LYPD6B: variants seen among roughly 807,000 people sequenced by gnomAD.
LYPD6B encodes LY6/PLAUR domain containing 6B.
A neutral mutation model predicts 22.8 loss-of-function variants in LYPD6B; 17 were observed. The observed-to-expected ratio is 0.75, with a 90% CI of 0.51 to 1.12. The LOEUF is 1.12. LYPD6B is among the 50% of genes most tolerant of loss of function. LYPD6B has a pLI of 0.00. For synonymous variants in LYPD6B, 106 were observed against 91.6 expected (o/e 1.16, Z -0.90); for missense variants, 221 against 258.3 (o/e 0.86, Z 0.99).
At chr2:149,104,687 A>G (rs1172373029) in intron 1 of LYPD6B, among the ~76,000 whole-genome samples, 1 of 152,172 alleles carries the variant, frequency 6.6e-6, no homozygotes, top group Non-Finnish European at 1.5e-5. Context: ...TCTCTTAACA[A>G]TGTCTTTCAA....
At chr2:149,043,766 C>T (rs1051351755) in intron 1 of LYPD6B, among the ~76,000 whole-genome samples, 3 of 152,062 alleles carry the variant, frequency 2.0e-5, no homozygotes, top group Non-Finnish European at 4.4e-5. Context: ...TTATGTTTTA[C>T]ACTTAGGTCT....
At chr2:149,069,474 T>G (rs765920729) in intron 1 of LYPD6B, among the ~76,000 whole-genome samples, 2 of 152,118 alleles carry the variant, frequency 1.3e-5, no homozygotes, top group Non-Finnish European at 2.9e-5. Flanking sequence ...TTGAATAGAA[T>G]TGGAAGATAG....
At chr2:149,062,834 G>A (rs2222597) in intron 1 of LYPD6B, among the ~76,000 whole-genome samples, 130,366 of 149,586 alleles carry the variant, frequency 0.87, 57,340 homozygotes, top group East Asian at 0.97. Flanking sequence ...GATGAATTCA[G>A]ATGAAAGCTT....
intron 1 of LYPD6B, among the ~76,000 whole-genome samples, chr2:149,039,934 A>G (rs946818232): frequency 2.6e-5 from 4 of 152,162 alleles, no homozygotes; most frequent in Admixed American, 2.6e-4. Flanking sequence ...GCCTTATACT[A>G]TGTAGAAATT....
At chr2:149,049,066 G>T (rs1292783455) in intron 1 of LYPD6B, among the ~76,000 whole-genome samples, 2 of 152,164 alleles carry the variant, frequency 1.3e-5, no homozygotes, top group Non-Finnish European at 2.9e-5. Flanking sequence ...TTTCACAGAG[G>T]TGTTATTCCA....
At chr2:149,098,721 C>G (rs1370192106) in intron 1 of LYPD6B, among the ~76,000 whole-genome samples, 1 of 147,424 alleles carries the variant, frequency 6.8e-6, no homozygotes, top group South Asian at 2.2e-4. Flanking sequence ...TACATTGGAA[C>G]TTTGTTTTAT....
At chr2:149,164,901 A>T (rs138638037) in intron 3 of LYPD6B, among the ~76,000 whole-genome samples, 148 of 152,332 alleles carry the variant, frequency 9.7e-4, no homozygotes, top group African/African-American at 3.3e-3. Context: ...TATCTATTGC[A>T]CAACAAACCA....
chr2:149,210,930 C>A (rs2106173325), intron 5 of LYPD6B, among the ~76,000 whole-genome samples: 1 of 152,256 alleles, frequency 6.6e-6, no homozygotes, highest in Non-Finnish European at 1.5e-5. Context: ...GAGACTGGGT[C>A]ATTTATAAAG....
At chr2:149,049,863 G>A (rs1381789499) in intron 1 of LYPD6B, among the ~76,000 whole-genome samples, 1 of 152,158 alleles carries the variant, frequency 6.6e-6, no homozygotes, top group African/African-American at 2.4e-5. Context: ...GGATGGGGAG[G>A]ATTCAGAGGG....
chr2:149,069,394 G>T (rs2105350569), intron 1 of LYPD6B, among the ~76,000 whole-genome samples: 1 of 152,284 alleles, frequency 6.6e-6, no homozygotes, highest in Non-Finnish European at 1.5e-5. Context: ...AGTGACTGCG[G>T]TGGAATTGTT....
Position 149,208,690 on chromosome 2 carries a change from G to A in LYPD6B, c.328+278G>A, listed in dbSNP as rs541844325. ...AATACTTGATTATACCTCTAGAAAA[G>A]TCATACTTACCATCTCAACAAAGGA... On this transcript the variant is annotated intron_variant, in intron 5 of 6. Coordinates refer to ENST00000409642, the MANE Select transcript of LYPD6B (RefSeq NM_177964.5). 2.6e-5 allele frequency among the ~76,000 whole-genome samples: 4 copies of A among 152,262 alleles called. No individual in the cohort carries two copies. In the South Asian group the frequency reaches 8.3e-4, roughly 32 times the overall value.
chr2:149,158,418 A>G (rs229329), intron 2 of LYPD6B, among the ~76,000 whole-genome samples: 53,047 of 152,038 alleles, frequency 0.35, 9,641 homozygotes, highest in African/African-American at 0.44. Flanking sequence ...AGCCAGACAC[A>G]AGAAAGGATA....
intron 1 of LYPD6B, among the ~76,000 whole-genome samples, chr2:149,114,120 G>T (rs1232087890): frequency 6.6e-6 from 1 of 152,012 alleles, no homozygotes; most frequent in Non-Finnish European, 1.5e-5. Context: ...GCTCTTGTTT[G>T]GTACTTTACT....
At chr2:149,082,401 C>T (rs146839904) in intron 1 of LYPD6B, among the ~76,000 whole-genome samples, 6 of 152,290 alleles carry the variant, frequency 3.9e-5, no homozygotes, top group Non-Finnish European at 8.8e-5. Context: ...TATATTCTTT[C>T]TCATGATAAA....
intron 1 of LYPD6B, among the ~76,000 whole-genome samples, chr2:149,085,000 T>C (rs2200132): frequency 0.64 from 97,861 of 152,084 alleles, 32,004 homozygotes; most frequent in Admixed American, 0.71. Flanking sequence ...CTCAAGGATA[T>C]GGGAGGCAAC....
At chr2:149,038,963 G>GGCCGCGGC (rs1682933514) in intron 1 of LYPD6B, among the ~76,000 whole-genome samples, 162 bp downstream of exon 1, 1 of 150,320 alleles carries the variant, frequency 6.7e-6, no homozygotes, top group Non-Finnish European at 1.5e-5. Context: ...GGGGCCGCGG[G>GGCCGCGGC]GCCGCGGGGC....
At chr2:149,054,878 A>T (rs63546460) in intron 1 of LYPD6B, among the ~76,000 whole-genome samples, 1 of 31,254 alleles carries the variant, frequency 3.2e-5, no homozygotes, top group Non-Finnish European at 6.2e-5. Context: ...TACCCTATTT[A>T]AAAAAAAAAA....
chr2:149,054,840 T>C (rs1116939), intron 1 of LYPD6B, among the ~76,000 whole-genome samples: 127,658 of 151,756 alleles, frequency 0.84, 54,241 homozygotes, highest in East Asian at 0.98. Context: ...GATTGCACTA[T>C]GGCACTCCAG....
intron 1 of LYPD6B, among the ~76,000 whole-genome samples, chr2:149,121,998 C>T (rs1041334967): frequency 2.6e-5 from 4 of 152,144 alleles, no homozygotes; most frequent in Non-Finnish European, 4.4e-5. Flanking sequence ...GGAAAAACCC[C>T]AAACGAGAAA....
Sources: gnomAD v4.1 joint callset for allele counts (sites outside exome capture counted in the v4.1 genomes callset) on GRCh38, gnomAD v4.1.1 for gene constraint, MANE v1.5 for transcripts, NCBI Gene and HGNC (gene_info 2026-07-23, HGNC 2026-07-21) for gene names.